Variants in PRDM10 observed in about 807,000 individuals in gnomAD.
PRDM10 encodes the protein PR domain zinc finger protein 10.
Under a neutral mutation model 133.1 loss-of-function variants are expected in PRDM10, and 65 were observed. The observed-to-expected ratio is 0.49, with a 90% CI of 0.40 to 0.60. The LOEUF is 0.60. Ranked by LOEUF, PRDM10 falls within the 20% of genes least tolerant of loss-of-function variation. The probability of loss-of-function intolerance (pLI) is 0.00; values close to 1 mark genes in which losing one functional copy is unlikely to be tolerated. For missense variants in PRDM10, 1,137 were observed against 1,507.1 expected (o/e 0.75, Z 4.07); for synonymous variants, 582 against 580.4 (o/e 1.00, Z -0.04).
chr11:129,915,514 T>C, intron 16 of PRDM10, 146 bp downstream of exon 16: 1 of 929,198 alleles, frequency 1.1e-6, no homozygotes, highest in Non-Finnish European at 1.6e-6. Context: ...GTGCTCTCTG[T>C]TTACAGTGAC....
intron 1 of PRDM10, among the ~76,000 whole-genome samples, chr11:129,984,437 GACTCTGCAGCACACACTGAA>G (rs1253871043): frequency 2.0e-5 from 3 of 152,102 alleles, no homozygotes; most frequent in Non-Finnish European, 2.9e-5. Flanking sequence ...CATGCACTGA[GACTCTGCAGCACACACTGAA>G]ACTCTGCAGC....
intron 1 of PRDM10, among the ~76,000 whole-genome samples, chr11:129,997,492 AG>A (rs146834169): frequency 0.016 from 2,319 of 148,814 alleles, 46 homozygotes; most frequent in African/African-American, 0.05. Context: ...AAAACAGAAA[AG>A]GAAAAAAAAA....
At chr11:129,956,310 G>C (rs755831305) in intron 3 of PRDM10, among the ~76,000 whole-genome samples, 9 of 152,216 alleles carry the variant, frequency 5.9e-5, no homozygotes, top group Non-Finnish European at 1.3e-4. Flanking sequence ...ACTCACGCCT[G>C]TAATCCCAGC....
rs1202031875 is a variant in PRDM10, at chr11:129,924,927, G to A, written c.1833C>T (p.Tyr611=). ...DHVAIHINDG[Y]FTCPTCKKRF... Reference sequence around the variant, plus strand: ...GTTTCTTACAAGTTGGGCAGGTGAAGTAGCCATCATTGATATGAATGGCCA... The same window carrying A: ...GTTTCTTACAAGTTGGGCAGGTGAAATAGCCATCATTGATATGAATGGCCA... Residue 611 remains tyrosine (Y), a synonymous_variant, in exon 12 of 21, where the codon TAC becomes TAT. Coordinates refer to ENST00000360871, the MANE Select transcript of PRDM10 (RefSeq NM_199437.2). 1.9e-6 allele frequency: 3 copies of A among 1,613,764 alleles called. No individual in the cohort carries two copies. Among genetic ancestry groups the A allele is most frequent in the Non-Finnish European group, 2.5e-6 (3 of 1,179,816 alleles).
In PRDM10 at chr11:129,942,453, T is replaced by C. The variant is rs1951243097; in HGVS notation, c.939A>G (p.Lys313=). 6.2e-7 allele frequency: 1 copy of C among 1,613,968 alleles called. No homozygotes were observed. Among genetic ancestry groups the C allele is most frequent in the African/African-American group, 1.3e-5 (1 of 74,878 alleles). ...YGHHVYYTTI[K]NVEPKQELKV... ...TCAGTTCCTGCTTGGGCTCCACATT[T>C]TTTATGGTTGTATAATACACATGGT... Residue 313 remains lysine (K), a synonymous_variant, in exon 7 of 21, where the codon AAA becomes AAG. Transcript: ENST00000360871.
At chr11:129,906,598 T>C (rs1950023071) in intron 19 of PRDM10, among the ~76,000 whole-genome samples, 1 of 152,224 alleles carries the variant, frequency 6.6e-6, no homozygotes. Context: ...CTGCCTTTCT[T>C]GTACAAACTG....
intron 1 of PRDM10, among the ~76,000 whole-genome samples, chr11:129,972,587 A>C (rs949492470): frequency 2.6e-5 from 4 of 152,232 alleles, no homozygotes; most frequent in African/African-American, 7.2e-5. Flanking sequence ...TCAAGTTCAC[A>C]GCAAGCAAAA....
At chr11:129,920,000 A>G in intron 13 of PRDM10, among the ~76,000 whole-genome samples, 1 of 152,218 alleles carries the variant, frequency 6.6e-6, no homozygotes, top group East Asian at 1.9e-4. Flanking sequence ...TGGATTAAGG[A>G]CACTGCCCTA....
chr11:129,930,925 G>A, intron 11 of PRDM10, 91 bp downstream of exon 11: 1 of 1,482,368 alleles, frequency 6.7e-7, no homozygotes, highest in South Asian at 1.4e-5. Context: ...TTTCAGAGAG[G>A]AAGGTGAATA....
Position 129,902,006 on chromosome 11 carries a change from A to G in PRDM10, c.*307T>C, listed in dbSNP as rs1949855507. ...CAATATGCCACTTAATATTTCCACA[A>G]AGGAAAAGTAAGGCTCGTCAGTATG... On this transcript the variant is annotated 3_prime_UTR_variant, in exon 21 of 21. Coordinates refer to ENST00000360871, the MANE Select transcript of PRDM10 (RefSeq NM_199437.2). 3.4e-6 allele frequency: 1 copy of G among 293,732 alleles called. No individual in the cohort carries two copies. Among genetic ancestry groups the G allele is most frequent in the Non-Finnish European group, 6.4e-6 (1 of 156,842 alleles). 18.2% of individuals were successfully genotyped at this position (293,732 alleles called of 1,614,324 possible). A position where few individuals can be genotyped will look rare whatever the true frequency, so the allele number is the denominator to read the frequency against.
intron 1 of PRDM10, among the ~76,000 whole-genome samples, chr11:129,989,255 G>T (rs987034713): frequency 3.9e-5 from 6 of 151,920 alleles, no homozygotes; most frequent in Non-Finnish European, 7.4e-5. Context: ...GCAGTGAGCG[G>T]TGATCATGCC....
At chr11:129,951,841 A>T (rs560315967) in intron 4 of PRDM10, among the ~76,000 whole-genome samples, 1 of 152,172 alleles carries the variant, frequency 6.6e-6, no homozygotes, top group Admixed American at 6.5e-5. Flanking sequence ...GGACGGGGGA[A>T]TGCATACATG....
At chr11:129,927,501 A>G (rs1221216188) in intron 11 of PRDM10, among the ~76,000 whole-genome samples, 3 of 152,050 alleles carry the variant, frequency 2.0e-5, no homozygotes, top group African/African-American at 7.2e-5. Flanking sequence ...GGTCCCACTG[A>G]GGATGCCATT....
intron 4 of PRDM10, chr11:129,948,068 A>T (rs891295575): frequency 2.2e-6 from 1 of 456,734 alleles, no homozygotes; most frequent in Non-Finnish European, 4.4e-6. Flanking sequence ...AATGAAAGAG[A>T]TGAGGTGCCT....
At chr11:130,001,834 C>T (rs1172059248) in intron 1 of PRDM10, among the ~76,000 whole-genome samples, 2 of 152,088 alleles carry the variant, frequency 1.3e-5, no homozygotes, top group Non-Finnish European at 2.9e-5. Context: ...TGCGCTGCAC[C>T]CTGGGTGCAG....
intron 1 of PRDM10, among the ~76,000 whole-genome samples, chr11:129,971,699 G>A (rs1378127847): frequency 2.6e-5 from 4 of 152,210 alleles, no homozygotes; most frequent in Non-Finnish European, 5.9e-5. Flanking sequence ...TGATTGGTGT[G>A]TTTACAATCC....
chr11:130,001,876 C>T (rs1175927697), intron 1 of PRDM10, among the ~76,000 whole-genome samples: 5 of 152,032 alleles, frequency 3.3e-5, no homozygotes, highest in Admixed American at 1.3e-4. Flanking sequence ...ACCCCGGCCT[C>T]GGCCTCCGCC....
intron 1 of PRDM10, among the ~76,000 whole-genome samples, chr11:129,992,445 G>A (rs1938806925): frequency 6.6e-6 from 1 of 152,176 alleles, no homozygotes. Flanking sequence ...TTTAAGCCCA[G>A]ATTCCTTTTA....
chr11:129,970,433 C>G (rs1951994630), intron 1 of PRDM10, among the ~76,000 whole-genome samples: 2 of 150,394 alleles, frequency 1.3e-5, no homozygotes, highest in African/African-American at 4.9e-5. Context: ...CCCACATGCT[C>G]AGCCACAAAT....
Sources: gnomAD v4.1 joint callset for allele counts (sites outside exome capture counted in the v4.1 genomes callset) on GRCh38, gnomAD v4.1.1 for gene constraint, MANE v1.5 for transcripts, NCBI Gene and HGNC (gene_info 2026-07-23, HGNC 2026-07-21) for gene names.